Variants in GALNT13 observed in about 807,000 individuals in gnomAD.
GALNT13 encodes polypeptide N-acetylgalactosaminyltransferase 13.
A neutral mutation model predicts 64.2 loss-of-function variants in GALNT13; 28 were observed. The observed-to-expected ratio is 0.44, with a 90% confidence interval of 0.32 to 0.60. GALNT13 has a LOEUF of 0.60. Among genes scored for constraint, GALNT13 ranks in the 20% least tolerant of loss-of-function variants. GALNT13 has a pLI of 0.05. For synonymous variants in GALNT13, 214 were observed against 224.6 expected, an observed-to-expected ratio of 0.95 and a Z score of 0.42; for missense variants, 577 against 669.8, an observed-to-expected ratio of 0.86 and a Z score of 1.53.
intron 1 of GALNT13, among the ~76,000 whole-genome samples, chr2:153,895,705 A>G (rs185743621): frequency 1.6e-3 from 240 of 152,198 alleles, no homozygotes; most frequent in Middle Eastern, 3.4e-3. Context: ...GTTTCATAAA[A>G]TATGGTTTAA....
At chr2:154,208,751 A>G (rs1252720299) in intron 4 of GALNT13, among the ~76,000 whole-genome samples, 1 of 151,962 alleles carries the variant, frequency 6.6e-6, no homozygotes, top group African/African-American at 2.4e-5. Flanking sequence ...TCAAATGCCC[A>G]TAAGTATCAT....
chr2:153,391,242 TCTGA>T, the GALNT13 span, among the ~76,000 whole-genome samples: 2 of 152,074 alleles, frequency 1.3e-5, no homozygotes, highest in African/African-American at 4.8e-5. Context: ...ATAGTGTCAC[TCTGA>T]CTGCTCTCTT....
chr2:153,512,487 A>C, the GALNT13 span, among the ~76,000 whole-genome samples: 1 of 152,290 alleles, frequency 6.6e-6, no homozygotes, highest in Middle Eastern at 3.4e-3. Flanking sequence ...ATGGTGGTTA[A>C]GAGTGTGAGC....
chr2:154,308,475 G>C (rs931043415), intron 9 of GALNT13, among the ~76,000 whole-genome samples: 2 of 152,044 alleles, frequency 1.3e-5, no homozygotes, highest in Non-Finnish European at 2.9e-5. Context: ...TGAATGTGGG[G>C]CCTAATTTCT....
At chr2:153,949,789 T>C (rs1399650383) in intron 3 of GALNT13, among the ~76,000 whole-genome samples, 1 of 152,050 alleles carries the variant, frequency 6.6e-6, no homozygotes, top group African/African-American at 2.4e-5. Context: ...AGCCCTCTGA[T>C]GGCGAACCAC....
At chr2:153,445,771 A>G in the GALNT13 span, among the ~76,000 whole-genome samples, 2 of 152,134 alleles carry the variant, frequency 1.3e-5, no homozygotes, top group African/African-American at 2.4e-5. Context: ...TTCTCCTTAT[A>G]TATTTCTTAC....
chr2:153,259,312 C>G, the GALNT13 span, among the ~76,000 whole-genome samples: 1 of 151,030 alleles, frequency 6.6e-6, no homozygotes, highest in East Asian at 2.0e-4. Context: ...TTTTATGTGT[C>G]TCTTTATAGG....
intron 4 of GALNT13, among the ~76,000 whole-genome samples, chr2:154,212,271 G>A (rs1559027945): frequency 6.6e-6 from 1 of 151,822 alleles, no homozygotes; most frequent in Admixed American, 6.6e-5. Context: ...TTGAGACGGA[G>A]TCTTGCTCTA....
At chr2:154,094,636 A>T (rs1458183839) in intron 3 of GALNT13, among the ~76,000 whole-genome samples, 4 of 152,092 alleles carry the variant, frequency 2.6e-5, no homozygotes, top group East Asian at 1.9e-4. Flanking sequence ...TCTCCTTCCA[A>T]ACAAATTTTT....
At chr2:153,973,157 A>T (rs1693853362) in intron 3 of GALNT13, among the ~76,000 whole-genome samples, 1 of 151,104 alleles carries the variant, frequency 6.6e-6, no homozygotes, top group Non-Finnish European at 1.5e-5. Context: ...AAAGTACATC[A>T]ATTATCAAAG....
the GALNT13 span, among the ~76,000 whole-genome samples, chr2:153,733,211 G>A: frequency 1.5e-4 from 23 of 152,152 alleles, no homozygotes; most frequent in Non-Finnish European, 2.5e-4. Context: ...TATTATGGGT[G>A]AAAGTATTTC....
chr2:153,224,021 G>A, the GALNT13 span, among the ~76,000 whole-genome samples: 1 of 151,902 alleles, frequency 6.6e-6, no homozygotes, highest in African/African-American at 2.4e-5. Context: ...ATACCATAAA[G>A]CAGTGCTTAA....
chr2:153,334,347 A>G, the GALNT13 span, among the ~76,000 whole-genome samples: 1 of 152,214 alleles, frequency 6.6e-6, no homozygotes, highest in Non-Finnish European at 1.5e-5. Context: ...CTATCAGTCT[A>G]GGAATAGAGG....
chr2:153,746,313 G>A, the GALNT13 span, among the ~76,000 whole-genome samples: 1 of 152,100 alleles, frequency 6.6e-6, no homozygotes, highest in Non-Finnish European at 1.5e-5. Flanking sequence ...CTAATTTGTG[G>A]TATCATGGAT....
chr2:153,854,288 T>TA, the GALNT13 span, among the ~76,000 whole-genome samples: 5 of 151,606 alleles, frequency 3.3e-5, no homozygotes, highest in African/African-American at 1.2e-4. Context: ...TTTATATTAT[T>TA]AAAAAATCAG....
At chr2:154,405,684 A>G (rs1047096596) in intron 10 of GALNT13, among the ~76,000 whole-genome samples, 31 of 152,030 alleles carry the variant, frequency 2.0e-4, no homozygotes, top group Admixed American at 2.0e-3. Context: ...ACTGCACTCC[A>G]GCCTGGGCGA....
At chr2:154,160,107 T>G (rs1042464325) in intron 4 of GALNT13, among the ~76,000 whole-genome samples, 1 of 152,228 alleles carries the variant, frequency 6.6e-6, no homozygotes, top group African/African-American at 2.4e-5. Flanking sequence ...CTTTATTTGA[T>G]TTATCTGAGG....
At chr2:153,313,296 C>A in the GALNT13 span, among the ~76,000 whole-genome samples, 1 of 152,150 alleles carries the variant, frequency 6.6e-6, no homozygotes, top group African/African-American at 2.4e-5. Flanking sequence ...TGGAATCAAC[C>A]TAAATGTCCA....
intron 11 of GALNT13, among the ~76,000 whole-genome samples, chr2:154,417,517 A>ATTTTTTTT (rs775341273): frequency 0.019 from 2,427 of 126,784 alleles, 41 homozygotes; most frequent in Non-Finnish European, 0.024. Context: ...TTATTTATTT[A>ATTTTTTTT]TTTATTTTTT....
Sources: allele counts gnomAD v4.1 joint callset (sites outside exome capture counted in the v4.1 genomes callset), GRCh38; gene constraint gnomAD v4.1.1; transcripts MANE v1.5; gene names NCBI Gene and HGNC (gene_info 2026-07-23, HGNC 2026-07-21).